The following INPP5D variants were observed in gnomAD, a reference collection of about 807,000 sequenced individuals.
INPP5D encodes inositol polyphosphate-5-phosphatase D.
INPP5D carries 33 observed loss-of-function variants against 122.9 expected under a neutral mutation model. The ratio of observed to expected loss-of-function variants is 0.27; its 90% CI spans 0.20 to 0.36. The LOEUF (loss-of-function observed/expected upper bound fraction) is 0.36, where lower values mean the gene tolerates loss of function less well. Among genes scored for constraint, INPP5D ranks in the 10% least tolerant of loss-of-function variants. The pLI is 1.00. For missense variants in INPP5D, 1,053 were observed against 1,412.7 expected, an observed-to-expected ratio of 0.75 and a Z score of 4.08; for synonymous variants, 584 against 576.2, an observed-to-expected ratio of 1.01 and a Z score of -0.19.
At chr2:233,080,989 G>A (rs1691672543) in intron 2 of INPP5D, among the ~76,000 whole-genome samples, 1 of 152,236 alleles carries the variant, frequency 6.6e-6, no homozygotes, top group African/African-American at 2.4e-5. Flanking sequence ...AGTTAGGCTG[G>A]CATTGCTGCC....
chr2:233,148,647 T>G (rs1197105409), intron 9 of INPP5D, among the ~76,000 whole-genome samples: 2 of 152,262 alleles, frequency 1.3e-5, no homozygotes, highest in East Asian at 3.9e-4. Flanking sequence ...GACGAAAGCA[T>G]GAGAGTTTCC....
chr2:233,180,802 G>A (rs1211350407), intron 18 of INPP5D, among the ~76,000 whole-genome samples: 1 of 147,898 alleles, frequency 6.8e-6, no homozygotes, highest in Non-Finnish European at 1.5e-5. Context: ...GCCTCCCAAA[G>A]TGCTGGGATT....
intron 25 of INPP5D, among the ~76,000 whole-genome samples, chr2:233,201,597 G>T (rs951419844): frequency 6.6e-6 from 1 of 152,232 alleles, no homozygotes; most frequent in African/African-American, 2.4e-5. Flanking sequence ...CACCATCAGT[G>T]TTTCCCCACC....
intron 2 of INPP5D, among the ~76,000 whole-genome samples, chr2:233,081,606 C>T (rs554488393): frequency 7.2e-5 from 11 of 152,260 alleles, no homozygotes; most frequent in South Asian, 4.1e-4. Flanking sequence ...TGATGAAATC[C>T]GGGGCCTCAT....
chr2:233,165,111 GTGTA>G (rs1260810430), intron 13 of INPP5D, among the ~76,000 whole-genome samples: 1 of 152,162 alleles, frequency 6.6e-6, no homozygotes, highest in Non-Finnish European at 1.5e-5. Context: ...GAGTAGGTCT[GTGTA>G]TGTGAGTTTG....
intron 2 of INPP5D, among the ~76,000 whole-genome samples, chr2:233,095,576 C>A (rs1416293955): frequency 1.4e-5 from 2 of 140,342 alleles, no homozygotes; most frequent in African/African-American, 2.7e-5. Flanking sequence ...TGAACCGAGC[C>A]ACTGGACTCC....
chr2:233,162,134 C>T (rs1276890611), intron 11 of INPP5D, among the ~76,000 whole-genome samples: 2 of 152,054 alleles, frequency 1.3e-5, no homozygotes, highest in African/African-American at 4.8e-5. Flanking sequence ...TGAAGGGGCT[C>T]ATGGGAACCC....
Position 233,195,427 on chromosome 2 carries a change from C to T in INPP5D, c.2625C>T (p.Ser875=), listed in dbSNP as rs777887980. ...YDFVKTERDE[S]SGPKTLKSLT... is the part of the protein sequence containing the mutation. ...TTGTGAAGACGGAGCGTGATGAATC[C>T]AGTGGGCCAAAGACCCTGAAGAGCC... The change falls in exon 24 of 27, where the codon TCC becomes TCT. Residue 875 remains serine (S), a synonymous_variant. Coordinates refer to ENST00000445964, the MANE Select transcript of INPP5D (RefSeq NM_001017915.3). The T allele has an allele frequency of 1.2e-6, 2 of 1,613,728 alleles. No individual in the cohort carries two copies. Among genetic ancestry groups the T allele is most frequent in the Non-Finnish European group, 1.7e-6 (2 of 1,179,856 alleles).
intron 2 of INPP5D, among the ~76,000 whole-genome samples, chr2:233,095,771 C>T (rs1204333701): frequency 1.3e-5 from 2 of 151,680 alleles, no homozygotes; most frequent in Admixed American, 1.3e-4. Flanking sequence ...AAAACAGTAC[C>T]AAAGGAAATA....
intron 1 of INPP5D, among the ~76,000 whole-genome samples, chr2:233,075,370 C>G (rs936816433): frequency 4.6e-5 from 7 of 152,182 alleles, no homozygotes; most frequent in Non-Finnish European, 8.8e-5. Flanking sequence ...CCACAAAGAG[C>G]TGGGGAAGGG....
At position 233,125,844 on chromosome 2, in the gene INPP5D, C is replaced by T; in HGVS notation, c.449C>T (p.Pro150Leu). The change falls in exon 4 of 27, where the codon CCC becomes CTC. Residue 150 changes from proline (P) to leucine (L), a missense_variant. Physicochemically the swap from Pro to Leu is moderately conservative, Grantham distance 98. This residue lies in a region of INPP5D where 196 missense variants were observed against 175.6 expected (regional missense o/e 1.12). Transcript: ENST00000445964. ...GAGGTTCCTTTTTCAAACGAGAATC[C>T]CCGAGCGACCGAGACCAGCCGGCCG... ...AKEVPFSNENPRATETSRPSL... is the reference protein window; with the variant it reads ...AKEVPFSNENLRATETSRPSL... 1 of 1,613,818 alleles carries T rather than the reference C, an allele frequency of 6.2e-7. No homozygotes were observed.
intron 2 of INPP5D, among the ~76,000 whole-genome samples, chr2:233,084,363 A>T (rs1426751183): frequency 1.3e-5 from 2 of 152,132 alleles, no homozygotes; most frequent in African/African-American, 2.4e-5. Context: ...CCACACTCCC[A>T]GGTTTTCATG....
chr2:233,203,716 A>G (rs1236765849), intron 25 of INPP5D, among the ~76,000 whole-genome samples: 4 of 151,814 alleles, frequency 2.6e-5, no homozygotes, highest in African/African-American at 9.7e-5. Flanking sequence ...ATATAGTGAG[A>G]CTCCCCATCT....
chr2:233,186,648 ATTTTTTTTCTCTTGT>A (rs1322019520), intron 21 of INPP5D, among the ~76,000 whole-genome samples: 39 of 122,696 alleles, frequency 3.2e-4, no homozygotes, highest in Non-Finnish European at 6.2e-4. Flanking sequence ...CCAAAAAAAA[ATTTTTTTTCTCTTGT>A]TTTTTTTTCT....
chr2:233,145,989 GAGA>G (rs770050449), intron 6 of INPP5D, 170 bp from the exon 7 acceptor site: 5 of 701,268 alleles, frequency 7.1e-6, no homozygotes, highest in African/African-American at 7.0e-5. Flanking sequence ...TGTGAATTCT[GAGA>G]AGATTGTAGA....
chr2:233,116,998 C>T (rs1257366122), intron 2 of INPP5D, among the ~76,000 whole-genome samples: 2 of 152,196 alleles, frequency 1.3e-5, no homozygotes, highest in South Asian at 2.1e-4. Flanking sequence ...TACCTGCTAA[C>T]GGGCGGAGGC....
At chr2:233,102,614 C>T (rs189970240) in intron 2 of INPP5D, among the ~76,000 whole-genome samples, 52 of 152,030 alleles carry the variant, frequency 3.4e-4, no homozygotes, top group African/African-American at 1.2e-3. Context: ...TTTGAGAGGC[C>T]GAGGCGGGCA....
Position 233,206,691 on chromosome 2 carries a change from G to T in INPP5D, c.3568-15G>T, listed in dbSNP as rs3792117. 1.3e-6 allele frequency: 1 copy of T among 772,584 alleles called. No individual in the cohort carries two copies. The highest frequency in any genetic ancestry group is 2.4e-6 in the Non-Finnish European group (1 of 414,426). The allele number at this position is 772,584 out of a possible 1,614,324, so 47.9% of individuals were successfully genotyped here. A position where few individuals can be genotyped will look rare whatever the true frequency, so the allele number is the denominator to read the frequency against. On this transcript the variant is annotated splice_polypyrimidine_tract_variant and intron_variant, in intron 26 of 26. Coordinates refer to ENST00000445964, the MANE Select transcript of INPP5D (RefSeq NM_001017915.3). This position sits in a 1 kb window ranked among gnomAD's most constrained non-coding sequence, Gnocchi z 4.0. ...GAGAATGAGCCCTGACAGCCCTTCT[G>T]TTCTTGTCCCACAGTGAAGCCCTCA...
At position 233,090,351 on chromosome 2, in the gene INPP5D, G is replaced by A. The variant is rs376285091; in HGVS notation, c.198+10953G>A. 9.2e-5 allele frequency among the ~76,000 whole-genome samples: 14 copies of A among 152,168 alleles called. No homozygotes were observed. In the East Asian group the frequency reaches 1.7e-3, roughly 19 times the overall value. ...GTTAGTGATTTTTATAAAGAGATTC[G>A]CCATGGAAGAGTACTTCTTTCATTT... is the stretch of plus-strand genomic sequence containing the variant. On this transcript the variant is annotated intron_variant, in intron 2 of 26. Coordinates refer to ENST00000445964, the MANE Select transcript of INPP5D (RefSeq NM_001017915.3).
Sources: gnomAD v4.1 joint callset for allele counts (sites outside exome capture counted in the v4.1 genomes callset) on GRCh38, gnomAD v4.1.1 for gene constraint, gnomAD v4.1.1 regional missense constraint, Gnocchi (gnomAD v3.1) non-coding constraint, MANE v1.5 for transcripts, NCBI Gene and HGNC (gene_info 2026-07-23, HGNC 2026-07-21) for gene names.